ADAMTSL1: variants seen among roughly 807,000 people sequenced by gnomAD.
ADAMTSL1 encodes the protein ADAMTS-like protein 1.
A neutral mutation model predicts 201.8 loss-of-function variants in ADAMTSL1; 126 were observed. That is an observed-to-expected ratio of 0.62 (90% confidence interval 0.54 to 0.72). The LOEUF (loss-of-function observed/expected upper bound fraction) is 0.72, where lower values mean the gene tolerates loss of function less well. ADAMTSL1 is among the 30% of genes least tolerant of loss of function. ADAMTSL1 has a pLI of 0.00. For missense variants in ADAMTSL1, 2,679 were observed against 2,277.8 expected (o/e 1.18, Z -3.59); for synonymous variants, 1,121 against 903.4 (o/e 1.24, Z -4.32).
At chr9:18,015,240 T>C (rs368653117) in intron 1 of ADAMTSL1, among the ~76,000 whole-genome samples, 7 of 152,126 alleles carry the variant, frequency 4.6e-5, no homozygotes, top group African/African-American at 1.7e-4. Context: ...TCTCTGGTGC[T>C]CTCTCTCAAT....
intron 2 of ADAMTSL1, among the ~76,000 whole-genome samples, chr9:18,323,044 A>G (rs1427224336): frequency 1.3e-5 from 2 of 152,200 alleles, no homozygotes; most frequent in African/African-American, 4.8e-5. Context: ...TTTGAGACCA[A>G]TGTGACCCTG....
At chr9:18,654,691 TAAC>T (rs35557854) in intron 7 of ADAMTSL1, among the ~76,000 whole-genome samples, 17,906 of 152,262 alleles carry the variant, frequency 0.12, 1,316 homozygotes, top group Non-Finnish European at 0.16. Context: ...AAAATAGTCT[TAAC>T]AGCAGTTCCT....
At chr9:18,834,681 G>A (rs1169585093) in intron 23 of ADAMTSL1, among the ~76,000 whole-genome samples, 1 of 152,016 alleles carries the variant, frequency 6.6e-6, no homozygotes, top group Non-Finnish European at 1.5e-5. Flanking sequence ...TCTGATTTAT[G>A]TCGGGGTAAA....
At chr9:18,897,910 G>A (rs1829752281) in intron 26 of ADAMTSL1, among the ~76,000 whole-genome samples, 1 of 152,064 alleles carries the variant, frequency 6.6e-6, no homozygotes, top group South Asian at 2.1e-4. Context: ...GGGTGTGGTG[G>A]CTCACATCTG....
intron 20 of ADAMTSL1, among the ~76,000 whole-genome samples, chr9:18,797,534 A>T (rs757741884): frequency 8.5e-5 from 13 of 152,122 alleles, no homozygotes; most frequent in Non-Finnish European, 1.8e-4. Flanking sequence ...GAAAGTTGCA[A>T]TTTACTTCAA....
At chr9:18,873,281 G>A (rs1478429955) in intron 23 of ADAMTSL1, among the ~76,000 whole-genome samples, 1 of 152,132 alleles carries the variant, frequency 6.6e-6, no homozygotes, top group African/African-American at 2.4e-5. Flanking sequence ...TTCCTTTGCT[G>A]TTGAGAAGCT....
intron 19 of ADAMTSL1, among the ~76,000 whole-genome samples, chr9:18,789,054 A>G (rs1433224957): frequency 6.6e-6 from 1 of 152,164 alleles, no homozygotes; most frequent in Non-Finnish European, 1.5e-5. Context: ...TCCCATGCAC[A>G]GCAAACCCTT....
chr9:18,510,182 C>T (rs1360063952), intron 2 of ADAMTSL1, among the ~76,000 whole-genome samples: 1 of 152,152 alleles, frequency 6.6e-6, no homozygotes, highest in Non-Finnish European at 1.5e-5. Context: ...AATGATTATT[C>T]TATTCCCAAT....
intron 1 of ADAMTSL1, among the ~76,000 whole-genome samples, chr9:17,977,431 T>C (rs1459100132): frequency 6.6e-6 from 1 of 152,136 alleles, no homozygotes; most frequent in African/African-American, 2.4e-5. Flanking sequence ...TCCTGGACTT[T>C]TTTCTTTGAA....
intron 1 of ADAMTSL1, among the ~76,000 whole-genome samples, chr9:18,038,369 C>T (rs954058736): frequency 3.3e-5 from 5 of 152,154 alleles, no homozygotes; most frequent in Non-Finnish European, 5.9e-5. Context: ...AAAACCAAAA[C>T]TATTCCTGCC....
chr9:18,028,281 G>C (rs1324193854), intron 1 of ADAMTSL1, among the ~76,000 whole-genome samples: 1 of 152,088 alleles, frequency 6.6e-6, no homozygotes, highest in Non-Finnish European at 1.5e-5. Flanking sequence ...TTTTGAAGTA[G>C]CAGGTATTGT....
At chr9:18,766,158 A>C (rs1007265509) in intron 16 of ADAMTSL1, among the ~76,000 whole-genome samples, 6 of 152,346 alleles carry the variant, frequency 3.9e-5, no homozygotes, top group Admixed American at 3.3e-4. Context: ...ACATTCACCT[A>C]GCTAGAACCA....
intron 2 of ADAMTSL1, among the ~76,000 whole-genome samples, chr9:18,167,950 T>G (rs1827709601): frequency 6.6e-6 from 1 of 152,020 alleles, no homozygotes; most frequent in South Asian, 2.1e-4. Context: ...AGCACATTCC[T>G]GACAGAATGT....
chr9:18,312,374 G>C (rs749874225), intron 2 of ADAMTSL1, among the ~76,000 whole-genome samples: 1 of 152,132 alleles, frequency 6.6e-6, no homozygotes, highest in Non-Finnish European at 1.5e-5. Flanking sequence ...CTGTTGGATG[G>C]GTATTAAGTG....
At chr9:18,099,355 A>ATATATATATATATATATT (rs1239180390) in intron 1 of ADAMTSL1, among the ~76,000 whole-genome samples, 4 of 45,540 alleles carry the variant, frequency 8.8e-5, no homozygotes, top group East Asian at 6.0e-4. Flanking sequence ...ATATATATAT[A>ATATATATATATATATATT]TTTTTTTTTT....
chr9:18,586,611 G>A (rs556100208), intron 4 of ADAMTSL1, among the ~76,000 whole-genome samples: 26 of 152,102 alleles, frequency 1.7e-4, no homozygotes, highest in African/African-American at 6.3e-4. Context: ...AATTCATATG[G>A]AATTTTAAAA....
At chr9:18,332,970 G>A (rs948024307) in intron 2 of ADAMTSL1, among the ~76,000 whole-genome samples, 6 of 152,066 alleles carry the variant, frequency 3.9e-5, no homozygotes, top group Non-Finnish European at 8.8e-5. Flanking sequence ...ATGGTATTAT[G>A]TACAAGAAGC....
chr9:18,290,876 G>A (rs962769797), intron 2 of ADAMTSL1, among the ~76,000 whole-genome samples: 8 of 151,190 alleles, frequency 5.3e-5, no homozygotes, highest in African/African-American at 2.0e-4. Flanking sequence ...CTGCCTCCCA[G>A]GTTCACGCCA....
chr9:18,892,307 C>T (rs1333304241), intron 25 of ADAMTSL1, 82 bp from the exon 26 acceptor site: 10 of 1,396,498 alleles, frequency 7.2e-6, no homozygotes, highest in African/African-American at 2.9e-5. Context: ...GTGGCAAGAG[C>T]AGGGATGTCG....
Sources: gnomAD v4.1 joint callset for allele counts (sites outside exome capture counted in the v4.1 genomes callset) on GRCh38, gnomAD v4.1.1 for gene constraint, MANE v1.5 for transcripts, NCBI Gene and HGNC (gene_info 2026-07-23, HGNC 2026-07-21) for gene names.